The following LONP2 variants were observed in gnomAD, a reference collection of about 807,000 sequenced individuals.
The protein encoded by LONP2 is lon protease homolog 2, peroxisomal.
LONP2 carries 60 observed loss-of-function variants against 85.6 expected under a neutral mutation model. That is an observed-to-expected ratio of 0.70 (90% CI 0.57 to 0.87). The LOEUF (loss-of-function observed/expected upper bound fraction) is 0.87, where lower values mean the gene tolerates loss of function less well. Ranked by LOEUF, LONP2 falls within the 40% of genes least tolerant of loss-of-function variation. The pLI is 0.00. For missense variants in LONP2, 860 were observed against 1,063.5 expected (o/e 0.81, Z 2.66); for synonymous variants, 395 against 389.7 (o/e 1.01, Z -0.16).
downstream of LONP2, chr16:48,361,275 A>C (rs545578567): frequency 3.3e-6 from 1 of 301,170 alleles, no homozygotes; most frequent in East Asian, 7.6e-5. Flanking sequence ...TCAACAATAC[A>C]ATCAATCTAC....
chr16:48,306,599 A>T (rs562749836), intron 11 of LONP2, among the ~76,000 whole-genome samples: 3 of 152,166 alleles, frequency 2.0e-5, no homozygotes, highest in Non-Finnish European at 4.4e-5. Context: ...TCTTTACTAG[A>T]GGCATAGGTA....
Position 48,355,385 on chromosome 16 carries a change from C to G in LONP2, c.*3583C>G, listed in dbSNP as rs890755932. 1.3e-5 allele frequency: 2 copies of G among 152,156 alleles called. No homozygotes were observed. Among genetic ancestry groups the G allele is most frequent in the African/African-American group, 4.8e-5 (2 of 41,428 alleles). 9.4% of individuals were successfully genotyped at this position (152,156 alleles called of 1,614,324 possible). ...CTTCCACCATATGAGGACACAGCAA[C>G]AGGCCCCGTCCTAGAAGCTGAGACT... On this transcript the variant is annotated 3_prime_UTR_variant, in exon 15 of 15. Transcript: ENST00000285737.
chr16:48,284,671 A>G (rs1972400566), intron 8 of LONP2, among the ~76,000 whole-genome samples: 1 of 152,214 alleles, frequency 6.6e-6, no homozygotes. Context: ...TTGTGTAAAC[A>G]TAACTTTTAT....
intron 11 of LONP2, among the ~76,000 whole-genome samples, chr16:48,314,251 G>T (rs1486030433): frequency 4.0e-5 from 6 of 151,868 alleles, no homozygotes; most frequent in Non-Finnish European, 7.4e-5. Flanking sequence ...CATTCTGTAG[G>T]TTGTCTGTTC....
In LONP2 at chr16:48,244,585, C is replaced by T; in HGVS notation, c.197C>T (p.Pro66Leu). Reference protein sequence around the residue: ...ILGVIPNTPDPASDAQDLPPL... With the variant: ...ILGVIPNTPDLASDAQDLPPL... The stretch of plus-strand genomic sequence containing the variant: ...GGCGTCATCCCCAACACGCCTGACC[C>T]CGCCAGCGACGCGCAGGACCTGCCG... The change falls in exon 1 of 15, where the codon CCC becomes CTC. Residue 66 changes from proline to leucine, a missense_variant. Pro to Leu is a moderately conservative substitution (Grantham distance 98). Coordinates refer to ENST00000285737, the MANE Select transcript of LONP2 (RefSeq NM_031490.5). The T allele has an allele frequency of 6.7e-7, 1 of 1,495,748 alleles. No homozygotes were observed. Among genetic ancestry groups the T allele is most frequent in the Non-Finnish European group, 8.9e-7 (1 of 1,125,266 alleles). 92.7% of individuals were successfully genotyped at this position (1,495,748 alleles called of 1,614,324 possible). A position where few individuals can be genotyped will look rare whatever the true frequency, so the allele number is the denominator to read the frequency against.
chr16:48,286,578 T>C (rs564697780), intron 8 of LONP2, among the ~76,000 whole-genome samples: 36 of 152,146 alleles, frequency 2.4e-4, no homozygotes, highest in Admixed American at 2.3e-3. Flanking sequence ...TCATGGCTCA[T>C]GGCAGCCTTG....
intron 6 of LONP2, 83 bp downstream of exon 6, chr16:48,262,955 C>T: frequency 1.2e-6 from 1 of 843,748 alleles, no homozygotes; most frequent in Non-Finnish European, 1.9e-6. Flanking sequence ...ATTTACTCCA[C>T]TGATTGTCGT....
chr16:48,284,588 G>A (rs997521522), intron 8 of LONP2, among the ~76,000 whole-genome samples: 3 of 152,152 alleles, frequency 2.0e-5, no homozygotes, highest in Non-Finnish European at 4.4e-5. Flanking sequence ...TAGCAAGAAA[G>A]TATTTGTTAA....
chr16:48,321,021 C>T (rs1240971029), intron 11 of LONP2, among the ~76,000 whole-genome samples: 1 of 152,160 alleles, frequency 6.6e-6, no homozygotes, highest in Non-Finnish European at 1.5e-5. Context: ...GCAACCTCCA[C>T]CTCACGGGCT....
intron 11 of LONP2, among the ~76,000 whole-genome samples, chr16:48,313,990 A>G (rs112407076): frequency 0.064 from 9,750 of 152,200 alleles, 365 homozygotes; most frequent in Middle Eastern, 0.15. Context: ...CTTTTTAATA[A>G]TTGTCATTCT....
intron 11 of LONP2, among the ~76,000 whole-genome samples, chr16:48,325,676 G>A (rs1032224410): frequency 1.3e-5 from 2 of 152,134 alleles, no homozygotes; most frequent in South Asian, 2.1e-4. Flanking sequence ...GGATGCTTAC[G>A]TTGATTCCAT....
chr16:48,290,338 T>G (rs1972534071), intron 8 of LONP2, among the ~76,000 whole-genome samples: 2 of 151,930 alleles, frequency 1.3e-5, no homozygotes, highest in Non-Finnish European at 2.9e-5. Context: ...AATGCACGGG[T>G]TTTTTCTCCA....
chr16:48,361,000 C>G (rs1960562010), downstream of LONP2: 1 of 151,866 alleles, frequency 6.6e-6, no homozygotes, highest in South Asian at 2.1e-4. Flanking sequence ...AACAAATATG[C>G]ATATCAAAAG....
intron 8 of LONP2, among the ~76,000 whole-genome samples, chr16:48,294,859 A>G (rs1343554106): frequency 2.0e-5 from 3 of 152,218 alleles, no homozygotes; most frequent in African/African-American, 4.8e-5. Context: ...TGGTGAGTAT[A>G]TTAGTCATTT....
chr16:48,298,173 T>C (rs903097815), intron 9 of LONP2, among the ~76,000 whole-genome samples: 2 of 152,220 alleles, frequency 1.3e-5, no homozygotes, highest in Non-Finnish European at 2.9e-5. Context: ...GAGCATATGA[T>C]GCCACCTTCT....
At chr16:48,351,292 C>T (rs1672494210) in intron 14 of LONP2, among the ~76,000 whole-genome samples, 1 of 152,154 alleles carries the variant, frequency 6.6e-6, no homozygotes, top group African/African-American at 2.4e-5. Flanking sequence ...TGCCAATTTA[C>T]TTTGACAGCA....
intron 11 of LONP2, among the ~76,000 whole-genome samples, chr16:48,311,144 G>A (rs377349748): frequency 3.9e-5 from 6 of 152,048 alleles, no homozygotes; most frequent in Non-Finnish European, 5.9e-5. Context: ...GATCCTTCTC[G>A]CAATGTATTT....
At chr16:48,341,943 T>G (rs1010716396) in intron 12 of LONP2, among the ~76,000 whole-genome samples, 3 of 152,126 alleles carry the variant, frequency 2.0e-5, no homozygotes, top group African/African-American at 7.2e-5. Flanking sequence ...TCACTGGCTG[T>G]GCCCTTTCAC....
At chr16:48,334,787 G>C (rs772759380) in intron 12 of LONP2, 5 of 554,752 alleles carry the variant, frequency 9.0e-6, no homozygotes, top group Non-Finnish European at 1.8e-5. Context: ...GACATTCTCA[G>C]TGGCATCACT....
Sources: allele counts gnomAD v4.1 joint callset (sites outside exome capture counted in the v4.1 genomes callset), GRCh38; gene constraint gnomAD v4.1.1; transcripts MANE v1.5; gene names NCBI Gene and HGNC (gene_info 2026-07-23, HGNC 2026-07-21).